Variants in ASPDH observed in about 807,000 individuals in gnomAD.
The protein encoded by ASPDH is aspartate dehydrogenase domain-containing protein.
ASPDH carries 25 observed loss-of-function variants against 30.5 expected under a neutral mutation model. The ratio of observed to expected loss-of-function variants is 0.82; its 90% CI spans 0.60 to 1.14. The LOEUF (loss-of-function observed/expected upper bound fraction) is 1.14. Ranked by LOEUF, ASPDH falls within the 50% of genes most tolerant of loss-of-function variation. The pLI is 0.00. For missense variants in ASPDH, 401 were observed against 381.5 expected, an observed-to-expected ratio of 1.05 and a Z score of -0.43; for synonymous variants, 168 against 156.3, an observed-to-expected ratio of 1.07 and a Z score of -0.56.
intron 6 of ASPDH, 69 bp from the exon 7 acceptor site, chr19:50,511,842 G>T: frequency 1.3e-5 from 14 of 1,097,602 alleles, no homozygotes; most frequent in Non-Finnish European, 1.6e-5. Context: ...GGGGGAGGCA[G>T]TGGTGGGAGG....
rs1979965199 is a variant in ASPDH, at chr19:50,512,242, G to GC, written c.701dup (p.Thr236HisfsTer82). ...GCACAGCAAAGCTTCGGCCCGTGGG[G>GC]CCCCGGGGTCCGCTCAGCTCTACAT... On this transcript the variant is annotated frameshift_variant, in exon 6 of 7. Coordinates refer to ENST00000389208, the MANE Select transcript of ASPDH (RefSeq NM_001114598.2). LOFTEE classifies it high-confidence loss of function. The GC allele has an allele frequency of 6.2e-7, 1 of 1,612,508 alleles. No individual in the cohort carries two copies. The highest frequency in any genetic ancestry group is 1.3e-5 in the African/African-American group (1 of 74,916).
chr19:50,515,024 C>T (rs1980175997), upstream of ASPDH: 1 of 985,364 alleles, frequency 1.0e-6, no homozygotes, highest in Non-Finnish European at 1.2e-6. Context: ...GGGCCAGGCA[C>T]CTCACGGAAG....
chr19:50,512,478 G>T lies in ASPDH; in HGVS notation c.535C>A (p.Pro179Thr). 1.9e-6 allele frequency: 3 copies of T among 1,589,354 alleles called. No individual in the cohort carries two copies. Among genetic ancestry groups the T allele is most frequent in the Non-Finnish European group, 2.6e-6 (3 of 1,169,422 alleles). ...PGPCTVLYEG[P>T]VRGLCPFAPR... is the part of the protein sequence containing the mutation. ...GCAAAGGGGCAGAGCCCACGGACAG[G>T]GCCTTCGTAGAGCACAGTGCAAGGC... Residue 179 changes from proline to threonine, a missense_variant, in exon 5 of 7, where the codon CCT (proline) becomes ACT (threonine). By Grantham distance (38) the Pro-to-Thr change is conservative. Transcript: ENST00000389208.
chr19:50,511,912 GGGTGGA>G, intron 6 of ASPDH, 139 bp from the exon 7 acceptor site: 1 of 620,488 alleles, frequency 1.6e-6, no homozygotes, highest in Non-Finnish European at 2.5e-6. Flanking sequence ...AGAGCCCTGG[GGGTGGA>G]CAGAGACAGA....
rs1980027066 is a variant in ASPDH, at chr19:50,512,761, A to AGTGCTGTGAGAC, written c.331_332insGTCTCACAGCAC (p.Leu110_Leu111insCysLeuThrAla). ...GTGGTCCCAGTGCTGTGAGGCCTCC[A>AGTGCTGTGAGAC]AGAGCTGCCGCTCTGTGGTCTGGTC... On this transcript the variant is annotated inframe_insertion, in exon 4 of 7. Coordinates refer to ENST00000389208, the MANE Select transcript of ASPDH (RefSeq NM_001114598.2). 4 of 1,565,614 alleles carry AGTGCTGTGAGAC rather than the reference A, an allele frequency of 2.6e-6. No individual in the cohort carries two copies. Among genetic ancestry groups the AGTGCTGTGAGAC allele is most frequent in the Non-Finnish European group, 3.5e-6 (4 of 1,154,820 alleles).
rs768438854 is a variant in ASPDH, at chr19:50,512,937, GC to G, written c.271del (p.Ala91ProfsTer11). ...HESGAQILRH[A>X]NLLVGSPSAL... is the part of the protein sequence containing the mutation. ...TGGGGTGGGGCTTACCAGGAGATTG[GC>G]ATGGCGCAGGATTTGTGCCCCAGAT... On this transcript the variant is annotated frameshift_variant, in exon 3 of 7. Coordinates refer to ENST00000389208, the MANE Select transcript of ASPDH (RefSeq NM_001114598.2). LOFTEE classifies it high-confidence loss of function. 2 of 1,613,198 alleles carry G rather than the reference GC, an allele frequency of 1.2e-6. No individual in the cohort carries two copies. Among genetic ancestry groups the G allele is most frequent in the Non-Finnish European group, 1.7e-6 (2 of 1,179,600 alleles).
intron 4 of ASPDH, 30 bp from the exon 5 acceptor site, chr19:50,512,610 TG>T (rs756947136): frequency 2.0e-6 from 3 of 1,511,230 alleles, no homozygotes; most frequent in Admixed American, 4.8e-5. Context: ...TTAGGGGGAG[TG>T]GGGTCTTTGC....
chr19:50,513,540 A>G lies in ASPDH; in HGVS notation c.53-124T>C. The G allele has an allele frequency of 9.7e-7, 1 of 1,031,624 alleles. No homozygotes were observed. Among genetic ancestry groups the G allele is most frequent in the Non-Finnish European group, 1.4e-6 (1 of 722,322 alleles). The allele number at this position is 1,031,624 out of a possible 1,614,324, so 63.9% of individuals were successfully genotyped here. The stretch of plus-strand genomic sequence containing the variant: ...TGGGGACAGACTCAGATTGCGGGGT[A>G]GGGAGACAGAGATGGGGGCAGGGCA... On this transcript the variant is annotated intron_variant, in intron 1 of 6. Transcript: ENST00000389208. The surrounding 1 kb of genome is among the most constrained non-coding windows in gnomAD (Gnocchi z 4.9).
At position 50,512,186 on chromosome 19, in the gene ASPDH, C is replaced by A. The variant is rs763997185; in HGVS notation, c.758G>T (p.Gly253Val). The part of the protein sequence containing the change: ...HTRRENPAEP[G>V]AVTGSATVTA... ...GACGGTGGCGGAGCCGGTGACCGCG[C>A]CTGGCTCGGCAGGGTTCTCTCTGCG... Residue 253 changes from glycine to valine, a missense_variant, in exon 6 of 7, where the codon GGC becomes GTC. Coordinates refer to ENST00000389208, the MANE Select transcript of ASPDH (RefSeq NM_001114598.2). The A allele has an allele frequency of 1.2e-6, 2 of 1,603,894 alleles. No homozygotes were observed. Among genetic ancestry groups the A allele is most frequent in the South Asian group, 1.1e-5 (1 of 90,162 alleles).
chr19:50,512,802 G>A lies in ASPDH; in HGVS notation c.291C>T (p.Ser97=), dbSNP rs1601359239. ...ILRHANLLVG[S]PSALSDQTTE... Reference sequence around the variant, plus strand: ...TGGTCTGGTCACTTAGAGCTGAGGGGGACCCCACCTGGGGTGGATGAAGGA... The same window carrying A: ...TGGTCTGGTCACTTAGAGCTGAGGGAGACCCCACCTGGGGTGGATGAAGGA... Residue 97 remains serine (S), a synonymous_variant, in exon 4 of 7, where the codon TCC becomes TCT. Coordinates refer to ENST00000389208, the MANE Select transcript of ASPDH (RefSeq NM_001114598.2). The A allele has an allele frequency of 6.3e-7, 1 of 1,596,120 alleles. No homozygotes were observed. Among genetic ancestry groups the A allele is most frequent in the South Asian group, 1.1e-5 (1 of 89,322 alleles).
chr19:50,511,925 CAG>C (rs535890280), intron 6 of ASPDH, 152 bp from the exon 7 acceptor site: 28 of 430,142 alleles, frequency 6.5e-5, no homozygotes, highest in African/African-American at 5.5e-4. Flanking sequence ...TGGACAGAGA[CAG>C]AGAGAGTCTC....
Position 50,512,194 on chromosome 19 carries a change from G to A in ASPDH, c.750C>T (p.Ala250=), listed in dbSNP as rs201719975. ...FAVHTRRENP[A]EPGAVTGSAT... ...CGGAGCCGGTGACCGCGCCTGGCTC[G>A]GCAGGGTTCTCTCTGCGGGTGTGCA... is the stretch of plus-strand genomic sequence containing the variant. Residue 250 remains alanine (A), a synonymous_variant, in exon 6 of 7, where the codon GCC becomes GCT. Transcript: ENST00000389208. 2.2e-4 allele frequency: 359 copies of A among 1,606,534 alleles called. No homozygotes were observed. In the African/African-American group the frequency reaches 4.4e-3, roughly 20 times the overall value.
At chr19:50,514,409 CG>C, upstream of ASPDH, 1 of 1,604,282 alleles carries the variant, frequency 6.2e-7, no homozygotes, top group South Asian at 1.1e-5. Flanking sequence ...CTGCGCAGCA[CG>C]GGTCCCCTTC....
In ASPDH at chr19:50,513,357, AAAC is replaced by A. The variant is rs1465245374; in HGVS notation, c.109_111del (p.Val37del). The A allele has an allele frequency of 1.9e-6, 3 of 1,543,038 alleles. No homozygotes were observed. The highest frequency in any genetic ancestry group is 2.6e-6 in the Non-Finnish European group (3 of 1,143,030). On this transcript the variant is annotated inframe_deletion, in exon 2 of 7. Coordinates refer to ENST00000389208, the MANE Select transcript of ASPDH (RefSeq NM_001114598.2). The surrounding 1 kb of genome is among the most constrained non-coding windows in gnomAD (Gnocchi z 4.9). Reference sequence around the variant, plus strand: ...CGTCCTGGGTCACGATTCCAGACAAAAACAAGTTCTAGGCCAAGTTCTGGTCCC... The same window carrying A: ...CGTCCTGGGTCACGATTCCAGACAAAAAGTTCTAGGCCAAGTTCTGGTCCC...
upstream of ASPDH, chr19:50,514,622 C>T: frequency 6.2e-7 from 1 of 1,603,100 alleles, no homozygotes; most frequent in Non-Finnish European, 8.5e-7. Context: ...GCCAAGTGCC[C>T]CCAACATGAG....
upstream of ASPDH, chr19:50,513,981 G>A (rs1568709705): frequency 7.0e-6 from 6 of 859,000 alleles, no homozygotes; most frequent in Non-Finnish European, 1.1e-5. This position sits in a 1 kb window ranked among gnomAD's most constrained non-coding sequence, Gnocchi z 4.9. Context: ...GTGGGCCTGC[G>A]GGAGTGGAGG....
In ASPDH at chr19:50,513,369, G is replaced by A; in HGVS notation, c.100C>T (p.Leu34=). 1 of 1,540,996 alleles carries A rather than the reference G, an allele frequency of 6.5e-7. No homozygotes were observed. Among genetic ancestry groups the A allele is most frequent in the Non-Finnish European group, 8.8e-7 (1 of 1,142,222 alleles). ...RLLAQGPELG[L]ELVFVWNRDP... The stretch of plus-strand genomic sequence containing the variant: ...CGATTCCAGACAAAAACAAGTTCTA[G>A]GCCAAGTTCTGGTCCCTGAGCCAAG... The change falls in exon 2 of 7, where the codon CTA becomes TTA. Residue 34 remains leucine, a synonymous_variant. Transcript: ENST00000389208. This position sits in a 1 kb window ranked among gnomAD's most constrained non-coding sequence, Gnocchi z 4.9.
chr19:50,513,698 T>C lies in ASPDH; in HGVS notation c.52+74A>G, dbSNP rs1980099049. The C allele has an allele frequency of 1.7e-6, 2 of 1,168,948 alleles. No homozygotes were observed. Among genetic ancestry groups the C allele is most frequent in the Non-Finnish European group, 2.5e-6 (2 of 808,008 alleles). 72.4% of individuals were successfully genotyped at this position (1,168,948 alleles called of 1,614,324 possible). ...GCAGATAGAGAGAGAAAAAAGTGTT[T>C]GTGGAGGGCAGAGAGTCTTGGGAGC... On this transcript the variant is annotated intron_variant, in intron 1 of 6. Transcript: ENST00000389208. This position sits in a 1 kb window ranked among gnomAD's most constrained non-coding sequence, Gnocchi z 4.9.
upstream of ASPDH, chr19:50,514,779 A>C (rs1029551638): frequency 8.6e-6 from 10 of 1,166,368 alleles, no homozygotes; most frequent in African/African-American, 1.6e-4. Flanking sequence ...GCTGGAGAGA[A>C]AGAGAGCGTG....
Sources: allele counts gnomAD v4.1 joint callset, GRCh38; gene constraint gnomAD v4.1.1; non-coding constraint Gnocchi (gnomAD v3.1); transcripts MANE v1.5; gene names NCBI Gene and HGNC (gene_info 2026-07-23, HGNC 2026-07-21).